TOMM34: variants seen among roughly 807,000 people sequenced by gnomAD.
The protein encoded by TOMM34 is mitochondrial import receptor subunit TOM34.
TOMM34 carries 24 observed loss-of-function variants against 37.4 expected under a neutral mutation model. The ratio of observed to expected loss-of-function variants is 0.64; its 90% confidence interval spans 0.46 to 0.90. The LOEUF is 0.90. Ranked by LOEUF, TOMM34 falls within the 40% of genes least tolerant of loss-of-function variation. The probability of loss-of-function intolerance (pLI) is 0.00; values close to 1 mark genes in which losing one functional copy is unlikely to be tolerated. For missense variants in TOMM34, 304 were observed against 375.6 expected, an observed-to-expected ratio of 0.81 and a Z score of 1.58; for synonymous variants, 154 against 148.9, an observed-to-expected ratio of 1.03 and a Z score of -0.25.
chr20:44,948,004 AG>A (rs1441776087), intron 5 of TOMM34, among the ~76,000 whole-genome samples: 1 of 152,240 alleles, frequency 6.6e-6, no homozygotes, highest in Non-Finnish European at 1.5e-5. Context: ...TAAAAGTAAC[AG>A]GAAGATCTTG....
chr20:44,952,348 C>T (rs183689074), intron 3 of TOMM34, among the ~76,000 whole-genome samples: 52 of 151,426 alleles, frequency 3.4e-4, no homozygotes, highest in Non-Finnish European at 6.6e-4. Context: ...GAATCAAGTA[C>T]ACAACCATGC....
chr20:44,948,133 G>C (rs1484999550), intron 5 of TOMM34, among the ~76,000 whole-genome samples: 2 of 152,046 alleles, frequency 1.3e-5, no homozygotes. Flanking sequence ...CCACCTATAC[G>C]AGCATTGTTG....
intron 1 of TOMM34, chr20:44,958,396 T>C (rs1441212290): frequency 2.1e-6 from 1 of 471,586 alleles, no homozygotes; most frequent in African/African-American, 2.0e-5. Flanking sequence ...AGGAGCTAAG[T>C]ACCCAAAACC....
intron 4 of TOMM34, among the ~76,000 whole-genome samples, chr20:44,951,198 GA>G (rs113247890): frequency 7.9e-5 from 12 of 152,070 alleles, no homozygotes; most frequent in Middle Eastern, 3.4e-3. Context: ...TTTTTTGGGG[GA>G]AAAAAATCCT....
intron 4 of TOMM34, among the ~76,000 whole-genome samples, chr20:44,950,042 A>T (rs931683387): frequency 2.6e-5 from 4 of 152,142 alleles, no homozygotes; most frequent in Non-Finnish European, 5.9e-5. Flanking sequence ...ATTTATGGAG[A>T]TCTGGGTTAT....
rs1014554021 is a variant in TOMM34, at chr20:44,950,873, A to G, written c.550+960T>C. ...ATCCCTAGCTTGCTGGGCTGGGACC[A>G]TTCCCCTGGAGCATTAAAAGAGCTT... is the stretch of plus-strand genomic sequence containing the variant. On this transcript the variant is annotated intron_variant, in intron 4 of 6. Transcript: ENST00000372813. Among the ~76,000 whole-genome samples the G allele has an allele frequency of 3.3e-5, 5 of 152,290 alleles. No individual in the cohort carries two copies. The East Asian group carries it at 5.8e-4, about 18-fold the overall frequency.
At chr20:44,948,658 ATTG>A in intron 5 of TOMM34, 69 bp downstream of exon 5, 1 of 1,575,564 alleles carries the variant, frequency 6.3e-7, no homozygotes, top group Non-Finnish European at 8.7e-7. Context: ...TGAAGGGCCC[ATTG>A]CAGTCCAAGA....
chr20:44,954,570 G>T (rs2067053955), intron 3 of TOMM34, among the ~76,000 whole-genome samples: 1 of 152,180 alleles, frequency 6.6e-6, no homozygotes, highest in Non-Finnish European at 1.5e-5. Context: ...TGAGATAAAA[G>T]CCAATAACTG....
At chr20:44,951,795 G>A (rs368815827) in intron 4 of TOMM34, 38 bp downstream of exon 4, 33 of 1,585,538 alleles carry the variant, frequency 2.1e-5, no homozygotes, top group Non-Finnish European at 2.7e-5. Context: ...ATGGATAGTG[G>A]GAGATTGCAA....
At chr20:44,948,484 G>A (rs112839172) in intron 5 of TOMM34, among the ~76,000 whole-genome samples, 4 of 152,308 alleles carry the variant, frequency 2.6e-5, no homozygotes, top group Middle Eastern at 3.4e-3. Flanking sequence ...TAGTTACATT[G>A]CATGCTTATG....
intron 4 of TOMM34, among the ~76,000 whole-genome samples, chr20:44,949,844 C>T (rs2299971): frequency 0.32 from 48,070 of 152,024 alleles, 8,640 homozygotes; most frequent in Admixed American, 0.48. Context: ...ACAGTACCCA[C>T]AGATCATTTG....
Position 44,951,921 on chromosome 20 carries a change from A to G in TOMM34, c.462T>C (p.Ala154=). ...LPSIPLVPVS[A]QKRWNSLPSE... is the part of the protein sequence containing the mutation. ...AAGGCAAGGAATTCCACCTCTTCTG[A>G]GCTGAAACAGGCACCAAGGGGATTG... is the stretch of plus-strand genomic sequence containing the variant. Residue 154 remains alanine, a synonymous_variant, in exon 4 of 7, where the codon GCT becomes GCC. Coordinates refer to ENST00000372813, the MANE Select transcript of TOMM34 (RefSeq NM_006809.5). 6.2e-7 allele frequency: 1 copy of G among 1,614,088 alleles called. No homozygotes were observed. Among genetic ancestry groups the G allele is most frequent in the Non-Finnish European group, 8.5e-7 (1 of 1,179,972 alleles).
At chr20:44,957,364 G>A (rs1007031913) in intron 1 of TOMM34, among the ~76,000 whole-genome samples, 1 of 152,078 alleles carries the variant, frequency 6.6e-6, no homozygotes, top group Non-Finnish European at 1.5e-5. Context: ...GGTAGAGACA[G>A]GGTTTCACTA....
intron 1 of TOMM34, chr20:44,958,778 A>G (rs1307125468): frequency 6.5e-6 from 1 of 153,488 alleles, no homozygotes; most frequent in Non-Finnish European, 1.5e-5. Flanking sequence ...AGCTGGGGTG[A>G]GATGAATGAA....
At chr20:44,947,023 T>A (rs772942630) in intron 5 of TOMM34, among the ~76,000 whole-genome samples, 5 of 152,216 alleles carry the variant, frequency 3.3e-5, no homozygotes, top group Admixed American at 1.3e-4. Flanking sequence ...GACACCTGCA[T>A]GAAGAACAGT....
chr20:44,958,287 T>C (rs561584221), intron 1 of TOMM34: 2 of 464,358 alleles, frequency 4.3e-6, no homozygotes, highest in East Asian at 7.0e-5. Context: ...ATTTGATATC[T>C]TTCATTCAAT....
At chr20:44,958,472 A>T (rs534858912) in intron 1 of TOMM34, 55 of 457,844 alleles carry the variant, frequency 1.2e-4, no homozygotes, top group Middle Eastern at 3.3e-4. Flanking sequence ...TGGAAAGGGC[A>T]TCAACCCTGC....
chr20:44,960,143 C>T, intron 1 of TOMM34, 64 bp downstream of exon 1: 1 of 1,503,670 alleles, frequency 6.7e-7, no homozygotes, highest in South Asian at 1.3e-5. Context: ...CGCGCGAGGC[C>T]CGGGCGGTGG....
In TOMM34 at chr20:44,943,011, C is replaced by G; in HGVS notation, c.*98G>C. 1.7e-6 allele frequency: 2 copies of G among 1,188,060 alleles called. No individual in the cohort carries two copies. Among genetic ancestry groups the G allele is most frequent in the Non-Finnish European group, 2.5e-6 (2 of 804,444 alleles). The allele number at this position is 1,188,060 out of a possible 1,614,324, so 73.6% of individuals were successfully genotyped here. ...ATTGAGGAGGGGGCTTCAGAGCTCA[C>G]TTGGGGCATGCTGGGTTTCAGGAGC... is the stretch of plus-strand genomic sequence containing the variant. On this transcript the variant is annotated 3_prime_UTR_variant, in exon 7 of 7. Coordinates refer to ENST00000372813, the MANE Select transcript of TOMM34 (RefSeq NM_006809.5).
Sources: allele counts gnomAD v4.1 joint callset (sites outside exome capture counted in the v4.1 genomes callset), GRCh38; gene constraint gnomAD v4.1.1; transcripts MANE v1.5; gene names NCBI Gene and HGNC (gene_info 2026-07-23, HGNC 2026-07-21).